Variants in PCDHGA5 observed in about 807,000 individuals in gnomAD.
PCDHGA5 encodes the protein protocadherin gamma subfamily A, 5.
In PCDHGA5, 36 loss-of-function variants were observed where a neutral mutation model predicts 56.7. That is an observed-to-expected ratio of 0.64 (90% CI 0.49 to 0.84). The LOEUF (loss-of-function observed/expected upper bound fraction) is 0.84, where lower values mean the gene tolerates loss of function less well. Ranked by LOEUF, PCDHGA5 falls within the 40% of genes least tolerant of loss-of-function variation. The pLI, the probability that PCDHGA5 is intolerant of heterozygous loss-of-function variation, is 0.00. For synonymous variants in PCDHGA5, 563 were observed against 520.2 expected, an observed-to-expected ratio of 1.08 and a Z score of -1.12; for missense variants, 1,305 against 1,201.5, an observed-to-expected ratio of 1.09 and a Z score of -1.27.
At chr5:141,410,665 G>C (rs372651223) in intron 1 of PCDHGA5, 9 of 1,569,394 alleles carry the variant, frequency 5.7e-6, no homozygotes, top group Non-Finnish European at 7.7e-6. Flanking sequence ...TAGTCTACTA[G>C]TTTCTCATAT....
chr5:141,455,104 G>T (rs2098813087), intron 1 of PCDHGA5, among the ~76,000 whole-genome samples: 1 of 151,780 alleles, frequency 6.6e-6, no homozygotes, highest in Non-Finnish European at 1.5e-5. Flanking sequence ...GAGCCACTGC[G>T]CCCGGTGGGT....
intron 1 of PCDHGA5, chr5:141,367,919 A>G (rs1225899144): frequency 1.3e-5 from 2 of 152,164 alleles, no homozygotes; most frequent in Non-Finnish European, 2.9e-5. Flanking sequence ...AAAAAAAAGA[A>G]CTCAACTTAA....
intron 1 of PCDHGA5, among the ~76,000 whole-genome samples, chr5:141,425,668 T>C (rs2096887740): frequency 1.3e-5 from 2 of 152,260 alleles, no homozygotes; most frequent in South Asian, 4.1e-4. Context: ...GCACATCAGA[T>C]TGAAAATAAT....
chr5:141,376,110 G>C (rs772810239), intron 1 of PCDHGA5: 1 of 1,613,644 alleles, frequency 6.2e-7, no homozygotes. Context: ...GCCGACCTGG[G>C]CAGCCTCGAG....
intron 1 of PCDHGA5, chr5:141,373,950 A>G (rs2150030574): frequency 1.2e-6 from 1 of 822,986 alleles, no homozygotes; most frequent in Non-Finnish European, 1.8e-6. Context: ...CTGTGCAGAA[A>G]TTCTGACCTG....
chr5:141,482,380 C>A (rs2099557573), intron 1 of PCDHGA5, among the ~76,000 whole-genome samples: 1 of 151,712 alleles, frequency 6.6e-6, no homozygotes, highest in Non-Finnish European at 1.5e-5. Context: ...ATATAAAGTC[C>A]CTGTATGGAG....
chr5:141,403,649 T>A, intron 1 of PCDHGA5: 7 of 1,613,874 alleles, frequency 4.3e-6, no homozygotes, highest in Non-Finnish European at 5.9e-6. Flanking sequence ...TGTGACAGTG[T>A]TGGATACAAA....
chr5:141,366,447 C>T lies in PCDHGA5; in HGVS notation c.2117C>T (p.Ala706Val). The T allele has an allele frequency of 6.2e-7, 1 of 1,614,210 alleles. No homozygotes were observed. Among genetic ancestry groups the T allele is most frequent in the South Asian group, 1.1e-5 (1 of 91,088 alleles). ...AVAAVSCVFL[A>V]FVIVLLVLRL... ...GCTGCAGTCTCCTGCGTCTTCCTGG[C>T]CTTCGTCATCGTGCTGCTGGTGCTC... Residue 706 changes from alanine (A) to valine (V), a missense_variant, in exon 1 of 4, where the codon GCC becomes GTC. By Grantham distance (64) the Ala-to-Val change is moderately conservative. Transcript: ENST00000518069.
intron 1 of PCDHGA5, chr5:141,390,457 G>T: frequency 1.3e-6 from 1 of 767,062 alleles, no homozygotes; most frequent in South Asian, 1.9e-5. Flanking sequence ...GAGTAAAGTA[G>T]GAGCAATTGT....
chr5:141,402,593 G>T (rs4151700), intron 1 of PCDHGA5, among the ~76,000 whole-genome samples: 8,085 of 152,244 alleles, frequency 0.053, 229 homozygotes, highest in South Asian at 0.08. Flanking sequence ...AAAATAGATT[G>T]CTTTTGAAAT....
intron 1 of PCDHGA5, chr5:141,410,112 C>T (rs775292594): frequency 1.9e-6 from 3 of 1,612,566 alleles, no homozygotes; most frequent in East Asian, 4.5e-5. Context: ...GACAGGGACG[C>T]AGCCCGCCAG....
At chr5:141,404,488 T>C (rs3749770) in intron 1 of PCDHGA5, 387,354 of 1,612,960 alleles carry the variant, frequency 0.24, 50,449 homozygotes, top group African/African-American at 0.51. Flanking sequence ...CAGACACTGG[T>C]GTGCTGTATG....
At chr5:141,448,359 CTTTA>C in intron 1 of PCDHGA5, among the ~76,000 whole-genome samples, 1 of 152,074 alleles carries the variant, frequency 6.6e-6, no homozygotes, top group East Asian at 1.9e-4. Context: ...TAGTAGTTTT[CTTTA>C]TTTTATTTTT....
rs767719494 is a variant in PCDHGA5 at position 141,491,200 on chromosome 5, C to T, written c.2422-3607C>T. On this transcript the variant is annotated intron_variant, in intron 1 of 3. Coordinates refer to ENST00000518069, the MANE Select transcript of PCDHGA5 (RefSeq NM_018918.3). This position sits in a 1 kb window ranked among gnomAD's most constrained non-coding sequence, Gnocchi z 6.9. The stretch of plus-strand genomic sequence containing the variant: ...GGTCCTGGTGAGGGACAATGGTGAC[C>T]CTTCACTCTCCTCCACAGCCACAGT... 4 of 1,614,158 alleles carry T rather than the reference C, an allele frequency of 2.5e-6. No individual in the cohort carries two copies. The highest frequency in any genetic ancestry group is 3.4e-6 in the Non-Finnish European group (4 of 1,180,000).
At chr5:141,386,476 G>A (rs2090588767) in intron 1 of PCDHGA5, among the ~76,000 whole-genome samples, 1 of 151,552 alleles carries the variant, frequency 6.6e-6, no homozygotes, top group African/African-American at 2.4e-5. Flanking sequence ...AAGAATTGGA[G>A]GCCCACCTAG....
chr5:141,403,390 G>T (rs1471861396), intron 1 of PCDHGA5: 14 of 1,614,038 alleles, frequency 8.7e-6, no homozygotes, highest in African/African-American at 1.3e-5. Context: ...ACGAAATCGC[G>T]GTTCCTGGAG....
At chr5:141,465,657 G>A (rs904553709) in intron 1 of PCDHGA5, among the ~76,000 whole-genome samples, 4 of 152,130 alleles carry the variant, frequency 2.6e-5, no homozygotes, top group East Asian at 1.9e-4. Flanking sequence ...CCAAAAAAGC[G>A]CTTGCCATGA....
intron 1 of PCDHGA5, chr5:141,374,688 G>C (rs750510871): frequency 1.9e-6 from 3 of 1,609,410 alleles, no homozygotes; most frequent in Admixed American, 1.7e-5. Flanking sequence ...ACACTGGACC[G>C]GGAAGGAGAA....
intron 1 of PCDHGA5, chr5:141,383,148 C>G (rs1326737910): frequency 6.2e-7 from 1 of 1,614,124 alleles, no homozygotes; most frequent in Non-Finnish European, 8.5e-7. Context: ...GCAGCGGCAG[C>G]TTGGTCACTG....
Sources: allele counts gnomAD v4.1 joint callset (sites outside exome capture counted in the v4.1 genomes callset), GRCh38; gene constraint gnomAD v4.1.1; non-coding constraint Gnocchi (gnomAD v3.1); transcripts MANE v1.5; gene names NCBI Gene and HGNC (gene_info 2026-07-23, HGNC 2026-07-21).